Variants in CLVS1 observed in about 807,000 individuals in gnomAD.
CLVS1 encodes the protein clavesin-1.
A neutral mutation model predicts 33.1 loss-of-function variants in CLVS1; 10 were observed. The ratio of observed to expected loss-of-function variants is 0.30; its 90% CI spans 0.19 to 0.51. The LOEUF is 0.51. CLVS1 is among the 20% of genes least tolerant of loss of function. The probability of loss-of-function intolerance (pLI) is 0.97; values close to 1 mark genes in which losing one functional copy is unlikely to be tolerated. For missense variants in CLVS1, 343 were observed against 433.4 expected, an observed-to-expected ratio of 0.79 and a Z score of 1.85; for synonymous variants, 163 against 166.1, an observed-to-expected ratio of 0.98 and a Z score of 0.14.
At chr8:61,207,784 G>C (rs562441428) in intron 2 of CLVS1, among the ~76,000 whole-genome samples, 1 of 152,228 alleles carries the variant, frequency 6.6e-6, no homozygotes, top group African/African-American at 2.4e-5. Context: ...AGTACATCTC[G>C]GGGAAAGGTT....
At chr8:61,082,311 A>T (rs112529274) in intron 1 of CLVS1, among the ~76,000 whole-genome samples, 1,777 of 152,296 alleles carry the variant, frequency 0.012, 34 homozygotes, top group African/African-American at 0.04. Context: ...GGACAATTAC[A>T]AAAGATGTAA....
chr8:61,223,107 C>T (rs1585702208), intron 2 of CLVS1, among the ~76,000 whole-genome samples: 1 of 152,016 alleles, frequency 6.6e-6, no homozygotes, highest in East Asian at 1.9e-4. Flanking sequence ...ATACAGCACA[C>T]TGATAGGTCT....
intron 3 of CLVS1, among the ~76,000 whole-genome samples, chr8:61,433,988 G>T (rs933322743): frequency 4.6e-5 from 7 of 151,984 alleles, no homozygotes; most frequent in Non-Finnish European, 8.8e-5. Context: ...GGCCTTCCAG[G>T]CAAAGCGAGA....
At chr8:61,008,860 T>C in the CLVS1 span, among the ~76,000 whole-genome samples, 4 of 152,214 alleles carry the variant, frequency 2.6e-5, no homozygotes, top group Non-Finnish European at 4.4e-5. Flanking sequence ...ACAAGACAAG[T>C]ATCTTGGCCT....
At chr8:61,086,035 CAAAAAAAAAAAAAAAAAAAAAAA>C (rs4033854) in intron 1 of CLVS1, among the ~76,000 whole-genome samples, 20 of 31,204 alleles carry the variant, frequency 6.4e-4, no homozygotes, top group South Asian at 3.9e-3. Flanking sequence ...GACTCCCTCT[CAAAAAAAAAAAAAAAAAAAAAAA>C]AAAAAAAAAA....
chr8:61,117,414 T>C (rs1805750935), intron 1 of CLVS1, among the ~76,000 whole-genome samples: 1 of 151,944 alleles, frequency 6.6e-6, no homozygotes, highest in Non-Finnish European at 1.5e-5. Context: ...CTATGTTGAA[T>C]AGGAGTGGTG....
chr8:61,337,823 G>A (rs1343228615), intron 2 of CLVS1, among the ~76,000 whole-genome samples: 1 of 152,174 alleles, frequency 6.6e-6, no homozygotes, highest in Non-Finnish European at 1.5e-5. Context: ...GTGACATCAG[G>A]AACTGACTTG....
At chr8:61,247,220 C>T (rs776415057) in intron 2 of CLVS1, among the ~76,000 whole-genome samples, 1 of 152,094 alleles carries the variant, frequency 6.6e-6, no homozygotes, top group Admixed American at 6.6e-5. Flanking sequence ...AGGTTGATTC[C>T]ATGTCTTTGA....
intron 2 of CLVS1, among the ~76,000 whole-genome samples, chr8:61,232,239 T>C (rs887459232): frequency 6.6e-6 from 1 of 151,748 alleles, no homozygotes; most frequent in African/African-American, 2.4e-5. Context: ...GGTTTCACCA[T>C]GTTAGCCAGG....
intron 2 of CLVS1, among the ~76,000 whole-genome samples, chr8:61,227,756 C>T (rs1001469110): frequency 3.9e-5 from 6 of 152,038 alleles, no homozygotes; most frequent in African/African-American, 1.4e-4. Flanking sequence ...TAATTGATAC[C>T]CAAAAGTTAA....
chr8:60,982,254 G>T, the CLVS1 span, among the ~76,000 whole-genome samples: 2 of 152,146 alleles, frequency 1.3e-5, no homozygotes, highest in Non-Finnish European at 2.9e-5. Context: ...GAAACCAAGA[G>T]GCTTTCTGAA....
intron 2 of CLVS1, among the ~76,000 whole-genome samples, chr8:61,241,308 T>C (rs986908610): frequency 2.0e-5 from 3 of 152,236 alleles, no homozygotes; most frequent in Non-Finnish European, 4.4e-5. Context: ...GATTATTTGA[T>C]GTTTTTAATT....
chr8:61,136,595 A>G (rs1327336279), intron 2 of CLVS1, among the ~76,000 whole-genome samples: 2 of 152,196 alleles, frequency 1.3e-5, no homozygotes, highest in Non-Finnish European at 2.9e-5. Context: ...AGAAAACAAA[A>G]TATCACATGT....
the CLVS1 span, among the ~76,000 whole-genome samples, chr8:61,029,601 T>TA: frequency 0.017 from 2,601 of 150,556 alleles, 74 homozygotes; most frequent in African/African-American, 0.06. Context: ...TTTTTTTTTT[T>TA]ATTAATTTTT....
At chr8:61,433,694 C>G (rs1171720203) in intron 3 of CLVS1, among the ~76,000 whole-genome samples, 2 of 151,790 alleles carry the variant, frequency 1.3e-5, no homozygotes, top group East Asian at 3.9e-4. Context: ...GTTTGAAGGG[C>G]AAGTAGAAGT....
intron 1 of CLVS1, among the ~76,000 whole-genome samples, chr8:61,118,226 T>C (rs1306701242): frequency 6.6e-6 from 1 of 151,732 alleles, no homozygotes; most frequent in Non-Finnish European, 1.5e-5. Context: ...ATATCCCCTT[T>C]ATCATTTTTT....
chr8:61,216,382 G>C (rs1808086985), intron 2 of CLVS1, among the ~76,000 whole-genome samples: 1 of 152,168 alleles, frequency 6.6e-6, no homozygotes, highest in South Asian at 2.1e-4. Flanking sequence ...TATATCTGTT[G>C]AGCTCCATCC....
At chr8:61,219,960 T>A (rs1050602775) in intron 2 of CLVS1, among the ~76,000 whole-genome samples, 1 of 152,188 alleles carries the variant, frequency 6.6e-6, no homozygotes, top group African/African-American at 2.4e-5. Context: ...TTGAGAAGAG[T>A]TTGTTCATAT....
intron 2 of CLVS1, among the ~76,000 whole-genome samples, chr8:61,149,449 G>A (rs913864170): frequency 6.6e-6 from 1 of 151,444 alleles, no homozygotes; most frequent in Non-Finnish European, 1.5e-5. Context: ...CTACCTGGGA[G>A]GCTGAAGCAG....
Sources: gnomAD v4.1 joint callset for allele counts (sites outside exome capture counted in the v4.1 genomes callset) on GRCh38, gnomAD v4.1.1 for gene constraint, MANE v1.5 for transcripts, NCBI Gene and HGNC (gene_info 2026-07-23, HGNC 2026-07-21) for gene names.